Variants in CACHD1 observed in about 807,000 individuals in gnomAD.
CACHD1 encodes the protein VWFA and cache domain-containing protein 1.
CACHD1 carries 71 observed loss-of-function variants against 138.7 expected under a neutral mutation model. The observed-to-expected ratio is 0.51, with a 90% CI of 0.42 to 0.62. The LOEUF is 0.62. CACHD1 is among the 20% of genes least tolerant of loss of function. The pLI is 0.00. For synonymous variants in CACHD1, 578 were observed against 591.5 expected (o/e 0.98, Z 0.33); for missense variants, 1,389 against 1,625.3 (o/e 0.85, Z 2.50).
chr1:64,573,463 T>C (rs1353362947), intron 2 of CACHD1, among the ~76,000 whole-genome samples: 1 of 152,204 alleles, frequency 6.6e-6, no homozygotes, highest in Non-Finnish European at 1.5e-5. Flanking sequence ...TGTAGAATAG[T>C]TGGAGCTAAG....
At chr1:64,628,071 G>A (rs1402667776) in intron 4 of CACHD1, among the ~76,000 whole-genome samples, 1 of 152,148 alleles carries the variant, frequency 6.6e-6, no homozygotes, top group African/African-American at 2.4e-5. Flanking sequence ...CACATATCAT[G>A]TATTATTTTG....
intron 26 of CACHD1, among the ~76,000 whole-genome samples, chr1:64,689,017 G>T (rs1479898180): frequency 6.6e-6 from 1 of 152,068 alleles, no homozygotes; most frequent in Non-Finnish European, 1.5e-5. Flanking sequence ...CTTGCCCTAA[G>T]GTAGGCCTCT....
chr1:64,638,968 GTCT>G (rs2100654037), intron 7 of CACHD1, among the ~76,000 whole-genome samples: 1 of 152,340 alleles, frequency 6.6e-6, no homozygotes, highest in East Asian at 1.9e-4. Context: ...CAGAGTGTAT[GTCT>G]TATTGTTGGA....
rs182226606 is a variant in CACHD1 at position 64,565,648 on chromosome 1, T to G, written c.261+14992T>G. 1.2e-3 allele frequency among the ~76,000 whole-genome samples: 179 copies of G among 152,370 alleles called. 1 individual carries two copies. Among genetic ancestry groups the G allele is most frequent in the African/African-American group, 4.2e-3 (174 of 41,588 alleles). On this transcript the variant is annotated intron_variant, in intron 2 of 26. Coordinates refer to ENST00000651257, the MANE Select transcript of CACHD1 (RefSeq NM_020925.4). ...CTGTGAATAAAAGAGGCTGGTGGTC[T>G]GTCATTTCTGAAAGAGAGCCTGAGA...
At chr1:64,604,566 G>A (rs1486263846) in intron 4 of CACHD1, among the ~76,000 whole-genome samples, 1 of 152,182 alleles carries the variant, frequency 6.6e-6, no homozygotes, top group Non-Finnish European at 1.5e-5. Context: ...AATCTGAATA[G>A]GATCAGATGT....
chr1:64,592,593 A>G (rs1216665256), intron 3 of CACHD1, among the ~76,000 whole-genome samples: 1 of 152,186 alleles, frequency 6.6e-6, no homozygotes, highest in East Asian at 1.9e-4. Flanking sequence ...AAGTGTCCAT[A>G]TAGCAATTGA....
rs1056061562 is a variant in CACHD1, at chr1:64,472,860, G to GC, written c.198+1925dup. ...AAATCTTAGGATTCCCCCCTATCCCGCCCCCCCACGCCTTTTCCTTGTAAG... is the reference window on the plus strand; with the variant it reads ...AAATCTTAGGATTCCCCCCTATCCCGCCCCCCCCACGCCTTTTCCTTGTAAG... On this transcript the variant is annotated intron_variant, in intron 1 of 26. Coordinates refer to ENST00000651257, the MANE Select transcript of CACHD1 (RefSeq NM_020925.4). Among the ~76,000 whole-genome samples, 19 of 142,154 alleles carry GC rather than the reference G, an allele frequency of 1.3e-4. No homozygotes were observed. The South Asian group carries it at 1.9e-3, about 14-fold the overall frequency. The allele number at this position is 142,154 out of a possible 152,430, so 93.3% of individuals were successfully genotyped here.
At chr1:64,477,605 TATTATTATTATTATTATTATTTTA>T (rs1557454978) in intron 1 of CACHD1, among the ~76,000 whole-genome samples, 7 of 145,646 alleles carry the variant, frequency 4.8e-5, no homozygotes, top group African/African-American at 1.5e-4. Context: ...TTATTATTAT[TATTATTATTATTATTATTATTTTA>T]TTTTATTTTT....
intron 5 of CACHD1, among the ~76,000 whole-genome samples, chr1:64,632,256 G>GAAAAAA (rs55924104): frequency 2.3e-5 from 3 of 129,790 alleles, no homozygotes; most frequent in African/African-American, 3.1e-5. Context: ...GCTTTTTTCT[G>GAAAAAA]AAAAAAAAAA....
At chr1:64,582,640 T>G (rs1647021738) in intron 3 of CACHD1, among the ~76,000 whole-genome samples, 1 of 152,218 alleles carries the variant, frequency 6.6e-6, no homozygotes, top group Admixed American at 6.5e-5. Context: ...TGTCACTTGC[T>G]TAATTTAAGG....
chr1:64,535,711 G>A (rs754103608), intron 1 of CACHD1, among the ~76,000 whole-genome samples: 2 of 152,120 alleles, frequency 1.3e-5, no homozygotes, highest in African/African-American at 2.4e-5. Flanking sequence ...GTCTCCATTT[G>A]AAACGTCCCC....
rs75269293 is a variant in CACHD1, at chr1:64,607,497, C to A, written c.517+4585C>A. Among the ~76,000 whole-genome samples the A allele has an allele frequency of 5.4e-3, 817 of 152,230 alleles. 7 individuals carry two copies. Among genetic ancestry groups the A allele is most frequent in the African/African-American group, 0.019 (770 of 41,530 alleles). On this transcript the variant is annotated intron_variant, in intron 4 of 26. Coordinates refer to ENST00000651257, the MANE Select transcript of CACHD1 (RefSeq NM_020925.4). ...GAGTCAGAGGAAATAAGGACTTGAA[C>A]TCCTGAGATTTGCTCAAAGGAAAGT...
In CACHD1 at chr1:64,654,667, A is replaced by G. The variant is rs1649204973; in HGVS notation, c.1665-19A>G. Reference sequence around the variant, plus strand: ...TTTTATCTTTTGCCTGAAATATTTAATTCTGTTTGCCAACACAGCCTCCCT... The same window carrying G: ...TTTTATCTTTTGCCTGAAATATTTAGTTCTGTTTGCCAACACAGCCTCCCT... On this transcript the variant is annotated intron_variant, in intron 11 of 26. Transcript: ENST00000651257. 1.3e-6 allele frequency: 2 copies of G among 1,562,566 alleles called. No homozygotes were observed. The highest frequency in any genetic ancestry group is 1.8e-6 in the Non-Finnish European group (2 of 1,134,878).
Position 64,652,315 on chromosome 1 carries a change from T to A in CACHD1, c.1540+5T>A, listed in dbSNP as rs888102170. Reference sequence around the variant, plus strand: ...CTTTTCTCATAGACGACAAAGGTAATCTGCTAAATGTTCATCCTAAGAATA... The same window carrying A: ...CTTTTCTCATAGACGACAAAGGTAAACTGCTAAATGTTCATCCTAAGAATA... On this transcript the variant is annotated splice_donor_5th_base_variant and intron_variant, in intron 10 of 26. Transcript: ENST00000651257. 36 of 1,602,084 alleles carry A rather than the reference T, an allele frequency of 2.2e-5. No individual in the cohort carries two copies. The highest frequency in any genetic ancestry group is 3.0e-5 in the Non-Finnish European group (35 of 1,176,410).
intron 4 of CACHD1, among the ~76,000 whole-genome samples, chr1:64,621,204 C>T (rs1477237852): frequency 6.6e-6 from 1 of 152,146 alleles, no homozygotes; most frequent in Non-Finnish European, 1.5e-5. Flanking sequence ...CAGTGAGCTA[C>T]CTGTGATGGC....
Position 64,470,816 on chromosome 1 carries a change from C to A in CACHD1, c.72C>A (p.Cys24Ter). The change falls in exon 1 of 27, where the codon TGC (cysteine) becomes TGA (stop). Residue 24 changes from cysteine (C) to a stop codon, truncating the protein, a stop_gained. Transcript: ENST00000651257. LOFTEE classifies it high-confidence loss of function. The surrounding 1 kb of genome is among the most constrained non-coding windows in gnomAD (Gnocchi z 5.2). ...RARRPPLWLLCLVACWLLGAG... is the reference protein window; with the variant it reads ...RARRPPLWLL ...GGCGGCCGCCCCTCTGGCTGCTCTGCCTGGTCGCGTGCTGGCTCCTGGGCG... is the reference window on the plus strand; with the variant it reads ...GGCGGCCGCCCCTCTGGCTGCTCTGACTGGTCGCGTGCTGGCTCCTGGGCG... The A allele has an allele frequency of 6.8e-7, 1 of 1,465,116 alleles. No homozygotes were observed. Among genetic ancestry groups the A allele is most frequent in the Non-Finnish European group, 9.3e-7 (1 of 1,074,666 alleles). The allele number at this position is 1,465,116 out of a possible 1,614,324, so 90.8% of individuals were successfully genotyped here. A position where few individuals can be genotyped will look rare whatever the true frequency, so the allele number is the denominator to read the frequency against.
At position 64,691,760 on chromosome 1, in the gene CACHD1, A is replaced by G. The variant is rs1650566779; in HGVS notation, c.*199A>G. 6.8e-6 allele frequency: 4 copies of G among 589,598 alleles called. No homozygotes were observed. The highest frequency in any genetic ancestry group is 1.9e-5 in the African/African-American group (1 of 53,776). The allele number at this position is 589,598 out of a possible 1,614,324, so 36.5% of individuals were successfully genotyped here. On this transcript the variant is annotated 3_prime_UTR_variant, in exon 27 of 27. Transcript: ENST00000651257. ...ACACAGTCACATTTGTGAAGATGTG[A>G]GGCTGGTTCTGAAATGGAGGGGAAA...
chr1:64,530,071 G>A (rs1044912065), intron 1 of CACHD1, among the ~76,000 whole-genome samples: 4 of 152,216 alleles, frequency 2.6e-5, no homozygotes, highest in African/African-American at 7.2e-5. Flanking sequence ...GGCAATAAAA[G>A]AGGAAGGCAT....
chr1:64,509,700 G>A (rs565066658), intron 1 of CACHD1, among the ~76,000 whole-genome samples: 1 of 152,310 alleles, frequency 6.6e-6, no homozygotes, highest in South Asian at 2.1e-4. Context: ...AATTAAGACT[G>A]TGAAGTAGAT....
Sources: gnomAD v4.1 joint callset for allele counts (sites outside exome capture counted in the v4.1 genomes callset) on GRCh38, gnomAD v4.1.1 for gene constraint, Gnocchi (gnomAD v3.1) non-coding constraint, MANE v1.5 for transcripts, NCBI Gene and HGNC (gene_info 2026-07-23, HGNC 2026-07-21) for gene names.